The following LINGO2 variants were observed in gnomAD, a reference collection of about 807,000 sequenced individuals.
LINGO2 encodes leucine-rich repeat and immunoglobulin-like domain-containing nogo receptor-interacting protein 2.
A neutral mutation model predicts 30.6 loss-of-function variants in LINGO2; 14 were observed. That is an observed-to-expected ratio of 0.46 (90% CI 0.30 to 0.72). The LOEUF is 0.72. LINGO2 is among the 30% of genes least tolerant of loss of function. The pLI, the probability that LINGO2 is intolerant of heterozygous loss-of-function variation, is 0.07. For missense variants in LINGO2, 729 were observed against 751.7 expected, an observed-to-expected ratio of 0.97 and a Z score of 0.35; for synonymous variants, 317 against 288.5, an observed-to-expected ratio of 1.10 and a Z score of -1.00.
intron 5 of LINGO2, among the ~76,000 whole-genome samples, chr9:28,004,678 A>G (rs1161937425): frequency 6.6e-6 from 1 of 152,192 alleles, no homozygotes; most frequent in Non-Finnish European, 1.5e-5. Context: ...TGGATACTCA[A>G]CAAAGGCACC....
intron 4 of LINGO2, among the ~76,000 whole-genome samples, chr9:28,178,090 G>A (rs996045909): frequency 3.9e-5 from 6 of 152,158 alleles, no homozygotes; most frequent in African/African-American, 1.4e-4. Flanking sequence ...CCTACTATCG[G>A]CCTCCCATCA....
rs55645356 is a variant in LINGO2 at position 28,510,682 on chromosome 9, A to ATG, written c.-364-34659_-364-34658dup. ...TTGTTCTAGTGTCAACTGTATATATATGTGTGTGTGTGTGTGTGTGTGTGT... is the reference window on the plus strand; with the variant it reads ...TTGTTCTAGTGTCAACTGTATATATATGTGTGTGTGTGTGTGTGTGTGTGTGT... On this transcript the variant is annotated intron_variant, in intron 1 of 5. Coordinates refer to ENST00000379992, the Ensembl canonical transcript of LINGO2. 5.0e-3 allele frequency among the ~76,000 whole-genome samples: 747 copies of ATG among 150,402 alleles called. 8 individuals carry two copies. Among genetic ancestry groups the ATG allele is most frequent in the African/African-American group, 0.017 (701 of 40,978 alleles).
At chr9:28,525,101 GA>G (rs990591138) in intron 1 of LINGO2, among the ~76,000 whole-genome samples, 30 of 152,034 alleles carry the variant, frequency 2.0e-4, no homozygotes, top group African/African-American at 7.2e-4. Flanking sequence ...AAAAGGACAT[GA>G]AAAAATACTC....
rs192798085 is a variant in LINGO2 at position 28,630,828 on chromosome 9, A to G, written c.-365+39372T>C. Among the ~76,000 whole-genome samples the G allele has an allele frequency of 3.1e-3, 466 of 152,100 alleles. 4 individuals carry two copies. The highest frequency in any genetic ancestry group is 0.011 in the African/African-American group (442 of 41,504). ...TTAACACTCTACTGAGAGTATGCAG[A>G]CTATTTTTAGTAACCCTCAGAATCA... On this transcript the variant is annotated intron_variant, in intron 1 of 5. Transcript: ENST00000379992.
At chr9:28,838,849 C>T in the LINGO2 span, among the ~76,000 whole-genome samples, 919 of 152,294 alleles carry the variant, frequency 6.0e-3, 11 homozygotes, top group African/African-American at 0.021. Flanking sequence ...GTAAGACAGG[C>T]GCAGAGCAGC....
intron 1 of LINGO2, among the ~76,000 whole-genome samples, chr9:28,577,401 G>A (rs1824042572): frequency 1.3e-5 from 2 of 152,046 alleles, no homozygotes; most frequent in African/African-American, 4.8e-5. Flanking sequence ...TCACGTGTAA[G>A]TGGATTCAGC....
At chr9:28,600,972 A>T (rs187265766) in intron 1 of LINGO2, among the ~76,000 whole-genome samples, 1 of 152,260 alleles carries the variant, frequency 6.6e-6, no homozygotes, top group East Asian at 1.9e-4. Flanking sequence ...GAACAAAAAT[A>T]AAAATTAATA....
intron 4 of LINGO2, among the ~76,000 whole-genome samples, chr9:28,270,486 C>A (rs1032055145): frequency 6.6e-6 from 1 of 151,992 alleles, no homozygotes; most frequent in Non-Finnish European, 1.5e-5. Context: ...ATCCCCAATG[C>A]GACCACCAGG....
the LINGO2 span, among the ~76,000 whole-genome samples, chr9:29,204,489 A>C: frequency 6.6e-6 from 1 of 152,190 alleles, no homozygotes. Context: ...TACCTACTCC[A>C]GTGCTTAACA....
intron 3 of LINGO2, among the ~76,000 whole-genome samples, chr9:28,310,893 A>C (rs1435097880): frequency 6.6e-6 from 1 of 152,208 alleles, no homozygotes; most frequent in Non-Finnish European, 1.5e-5. Context: ...AGAAACTCAC[A>C]TCATTCTTTT....
chr9:28,765,324 T>C, the LINGO2 span, among the ~76,000 whole-genome samples: 1 of 152,028 alleles, frequency 6.6e-6, no homozygotes, highest in Non-Finnish European at 1.5e-5. Flanking sequence ...TAGGACAGAC[T>C]AGAGAGCCAA....
At position 28,444,767 on chromosome 9, in the gene LINGO2, C is replaced by T. The variant is rs201098603; in HGVS notation, c.-279+31173G>A. On this transcript the variant is annotated intron_variant, in intron 2 of 5. Transcript: ENST00000379992. ...GTGCCTGAAGCTGCCCACCCCACTG[C>T]AGCAGCCAGTATGCCTGGCTGTGTG... Among the ~76,000 whole-genome samples the T allele has an allele frequency of 2.6e-5, 4 of 152,332 alleles. No homozygotes were observed. The South Asian group carries it at 6.2e-4, about 24-fold the overall frequency.
At chr9:28,553,346 A>G (rs947335003) in intron 1 of LINGO2, among the ~76,000 whole-genome samples, 25 of 152,244 alleles carry the variant, frequency 1.6e-4, no homozygotes, top group Non-Finnish European at 2.6e-4. Context: ...AACTACGTGA[A>G]GAATGCAGAA....
the LINGO2 span, among the ~76,000 whole-genome samples, chr9:28,942,420 T>C: frequency 4.1e-3 from 620 of 152,248 alleles, 3 homozygotes; most frequent in African/African-American, 0.014. Context: ...CATTCAATTA[T>C]AGAAATCACC....
At chr9:28,717,687 CA>C in the LINGO2 span, among the ~76,000 whole-genome samples, 179 of 152,012 alleles carry the variant, frequency 1.2e-3, 3 homozygotes, top group African/African-American at 4.2e-3. Context: ...ATAAAGTAGG[CA>C]AATATTTTCA....
chr9:28,272,914 T>G (rs752386512), intron 4 of LINGO2, among the ~76,000 whole-genome samples: 5 of 152,168 alleles, frequency 3.3e-5, no homozygotes, highest in Non-Finnish European at 7.4e-5. Flanking sequence ...ATCCCACCCC[T>G]GCTTTAACTT....
chr9:29,039,003 CAAAT>C, the LINGO2 span, among the ~76,000 whole-genome samples: 1 of 152,128 alleles, frequency 6.6e-6, no homozygotes, highest in Non-Finnish European at 1.5e-5. Flanking sequence ...AGTGACTACT[CAAAT>C]AATCATTAGT....
chr9:28,197,553 A>G (rs1820058880), intron 4 of LINGO2, among the ~76,000 whole-genome samples: 1 of 151,994 alleles, frequency 6.6e-6, no homozygotes. Flanking sequence ...TTGTATTTTT[A>G]TTAATATATG....
the LINGO2 span, among the ~76,000 whole-genome samples, chr9:28,680,352 C>G: frequency 6.6e-6 from 1 of 151,936 alleles, no homozygotes; most frequent in South Asian, 2.1e-4. Flanking sequence ...TTTCTTTATT[C>G]ATTCATCTGA....
Sources: gnomAD v4.1 joint callset for allele counts (sites outside exome capture counted in the v4.1 genomes callset) on GRCh38, gnomAD v4.1.1 for gene constraint, MANE v1.5 for transcripts, NCBI Gene and HGNC (gene_info 2026-07-23, HGNC 2026-07-21) for gene names.